The following PCDHGA7 variants were observed in gnomAD, a reference collection of about 807,000 sequenced individuals.
The protein encoded by PCDHGA7 is protocadherin gamma-A7.
A neutral mutation model predicts 58.3 loss-of-function variants in PCDHGA7; 44 were observed. The ratio of observed to expected loss-of-function variants is 0.75; its 90% CI spans 0.59 to 0.97. The LOEUF (loss-of-function observed/expected upper bound fraction) is 0.97, where lower values mean the gene tolerates loss of function less well. Ranked by LOEUF, PCDHGA7 falls within the 50% of genes least tolerant of loss-of-function variation. The pLI is 0.00. For missense variants in PCDHGA7, 1,266 were observed against 1,188.7 expected (o/e 1.06, Z -0.96); for synonymous variants, 516 against 504.2 (o/e 1.02, Z -0.31).
At chr5:141,497,284 A>G (rs1486878285) in intron 2 of PCDHGA7, among the ~76,000 whole-genome samples, 1 of 152,104 alleles carries the variant, frequency 6.6e-6, no homozygotes, top group South Asian at 2.1e-4. Context: ...TGTTCCCTCT[A>G]CCTACCACCA....
intron 2 of PCDHGA7, among the ~76,000 whole-genome samples, chr5:141,501,876 C>T (rs1463329895): frequency 6.6e-6 from 1 of 152,118 alleles, no homozygotes; most frequent in East Asian, 1.9e-4. Context: ...CGCCTCCTTA[C>T]ACTCCTGATC....
At chr5:141,385,369 G>A in intron 1 of PCDHGA7, 46 bp downstream of exon 1, 1 of 1,532,174 alleles carries the variant, frequency 6.5e-7, no homozygotes, top group East Asian at 2.3e-5. Flanking sequence ...TTATTTGCAT[G>A]ATATTTCTCT....
intron 1 of PCDHGA7, among the ~76,000 whole-genome samples, chr5:141,492,435 C>T (rs191116850): frequency 8.5e-5 from 13 of 152,348 alleles, no homozygotes; most frequent in Admixed American, 8.5e-4. Context: ...CTCAGGAGTA[C>T]TCGTAGCTGA....
intron 1 of PCDHGA7, among the ~76,000 whole-genome samples, chr5:141,470,011 C>T (rs2099218489): frequency 6.6e-6 from 1 of 152,144 alleles, no homozygotes; most frequent in Non-Finnish European, 1.5e-5. Context: ...CGCCTGTAAT[C>T]CCAGCTACTC....
At chr5:141,408,956 A>G in intron 1 of PCDHGA7, 1 of 1,613,714 alleles carries the variant, frequency 6.2e-7, no homozygotes, top group Non-Finnish European at 8.5e-7. Flanking sequence ...AATTAGTCTT[A>G]GTGAAAATCT....
chr5:141,385,378 C>G, intron 1 of PCDHGA7, 55 bp downstream of exon 1: 3 of 1,519,118 alleles, frequency 2.0e-6, no homozygotes, highest in Non-Finnish European at 2.6e-6. Flanking sequence ...TGATATTTCT[C>G]TATTATTTTG....
chr5:141,494,185 GAC>G (rs2099752607), intron 1 of PCDHGA7, among the ~76,000 whole-genome samples: 1 of 152,154 alleles, frequency 6.6e-6, no homozygotes, highest in Non-Finnish European at 1.5e-5. Context: ...AGTGTCCCGG[GAC>G]TTGGATGCCC....
chr5:141,422,158 G>GA (rs1401712595), intron 1 of PCDHGA7: 2 of 1,571,916 alleles, frequency 1.3e-6, no homozygotes, highest in Middle Eastern at 1.7e-4. Flanking sequence ...TCTGGATTTT[G>GA]AAAAATATAG....
rs368075478 is a variant in PCDHGA7, at chr5:141,403,866, A to G, written c.2424+18543A>G. The G allele has an allele frequency of 1.3e-4, 207 of 1,613,762 alleles. No individual in the cohort carries two copies. Among genetic ancestry groups the G allele is most frequent in the Non-Finnish European group, 1.6e-4 (186 of 1,179,844 alleles). On this transcript the variant is annotated intron_variant, in intron 1 of 3. Transcript: ENST00000518325. ...AATACTGGGGAAATATCAACAGCAA[A>G]AAGTCTAGATTATGAAGAATGTTCA...
rs755602367 is a variant in PCDHGA7, at chr5:141,415,231, G to A, written c.2424+29908G>A. ...GGACCTCGGCAGCTTCGAGTCTCCA[G>A]CTAACTCTGAAACCTCAGACCTCAC... On this transcript the variant is annotated intron_variant, in intron 1 of 3. Transcript: ENST00000518325. 2.1e-5 allele frequency: 34 copies of A among 1,614,042 alleles called. No homozygotes were observed. The South Asian group carries it at 3.2e-4, about 15-fold the overall frequency.
chr5:141,392,416 T>C (rs576614359), intron 1 of PCDHGA7: 1 of 157,618 alleles, frequency 6.3e-6, no homozygotes, highest in African/African-American at 2.4e-5. Flanking sequence ...AAAACCTTCA[T>C]CTCACATTCT....
Position 141,423,964 on chromosome 5 carries a change from A to G in PCDHGA7, c.2424+38641A>G, listed in dbSNP as rs569611136. On this transcript the variant is annotated intron_variant, in intron 1 of 3. Coordinates refer to ENST00000518325, the MANE Select transcript of PCDHGA7 (RefSeq NM_018920.4). ...AGTTGAATTTTAGTATTATTTTTCT[A>G]TTATCAGTGTATGAGGCTCTCAATT... The G allele has an allele frequency of 5.2e-5, 61 of 1,163,648 alleles. 2 individuals carry two copies. In the South Asian group the frequency reaches 1.7e-3, roughly 32 times the overall value. 72.1% of individuals were successfully genotyped at this position (1,163,648 alleles called of 1,614,324 possible).
Position 141,476,642 on chromosome 5 carries a change from C to G in PCDHGA7, c.2425-18165C>G. 6.2e-7 allele frequency: 1 copy of G among 1,614,240 alleles called. No homozygotes were observed. The highest frequency in any genetic ancestry group is 8.5e-7 in the Non-Finnish European group (1 of 1,180,050). ...CTCTTTACAAACCTATGAGCTGAGC[C>G]GAAATGAATACTTTGCGCTTCGCGT... On this transcript the variant is annotated intron_variant, in intron 1 of 3. Transcript: ENST00000518325. This position sits in a 1 kb window ranked among gnomAD's most constrained non-coding sequence, Gnocchi z 7.6.
chr5:141,464,266 AAAAAAAAAAAAGC>A (rs2099079689), intron 1 of PCDHGA7, among the ~76,000 whole-genome samples: 2 of 138,926 alleles, frequency 1.4e-5, no homozygotes, highest in Admixed American at 1.4e-4. Flanking sequence ...CTCCGTCTAA[AAAAAAAAAAAAGC>A]AAAAAAAAAA....
chr5:141,402,955 G>A (rs753305536), intron 1 of PCDHGA7: 3 of 1,601,910 alleles, frequency 1.9e-6, no homozygotes, highest in Non-Finnish European at 2.6e-6. Context: ...AGGCAGCAAT[G>A]GCAGCTCCAA....
intron 1 of PCDHGA7, chr5:141,400,754 C>G: frequency 1.7e-6 from 1 of 589,004 alleles, no homozygotes. Context: ...TTAGCTTCCT[C>G]TCTAGCAAAA....
In PCDHGA7 at chr5:141,476,948, G is replaced by T; in HGVS notation, c.2425-17859G>T. 6.2e-7 allele frequency: 1 copy of T among 1,614,180 alleles called. No individual in the cohort carries two copies. On this transcript the variant is annotated intron_variant, in intron 1 of 3. Transcript: ENST00000518325. The surrounding 1 kb of genome is among the most constrained non-coding windows in gnomAD (Gnocchi z 7.6). ...GGATCTGGATGAAGGCCCCAACGGTGAAATTATTTACTCCTTCGGCAGCCA... is the reference window on the plus strand; with the variant it reads ...GGATCTGGATGAAGGCCCCAACGGTTAAATTATTTACTCCTTCGGCAGCCA...
intron 1 of PCDHGA7, among the ~76,000 whole-genome samples, chr5:141,435,547 G>T (rs2097769325): frequency 6.6e-6 from 1 of 152,114 alleles, no homozygotes. Context: ...AACAAAATGT[G>T]TTTTGAGTGC....
intron 1 of PCDHGA7, chr5:141,422,190 A>G (rs761351024): frequency 6.4e-7 from 1 of 1,561,412 alleles, no homozygotes. Flanking sequence ...TGGAAATTCA[A>G]GGCCAAGATG....
Sources: allele counts gnomAD v4.1 joint callset (sites outside exome capture counted in the v4.1 genomes callset), GRCh38; gene constraint gnomAD v4.1.1; non-coding constraint Gnocchi (gnomAD v3.1); transcripts MANE v1.5; gene names NCBI Gene and HGNC (gene_info 2026-07-23, HGNC 2026-07-21).